The following URB1 variants were observed in gnomAD, a reference collection of about 807,000 sequenced individuals.
The protein encoded by URB1 is URB1 ribosome biogenesis factor, also known as nucleolar pre-ribosomal-associated protein 1.
A neutral mutation model predicts 242.3 loss-of-function variants in URB1; 197 were observed. The ratio of observed to expected loss-of-function variants is 0.81; its 90% CI spans 0.72 to 0.91. The LOEUF is 0.91. URB1 is among the 40% of genes least tolerant of loss of function. The pLI, the probability that URB1 is intolerant of heterozygous loss-of-function variation, is 0.00. For missense variants in URB1, 2,721 were observed against 2,860.5 expected (o/e 0.95, Z 1.11); for synonymous variants, 1,153 against 1,201.8 (o/e 0.96, Z 0.84).
chr21:32,376,238 T>C (rs1230587647), intron 5 of URB1, among the ~76,000 whole-genome samples: 1 of 152,228 alleles, frequency 6.6e-6, no homozygotes, highest in Non-Finnish European at 1.5e-5. Flanking sequence ...TTTAGTTTGT[T>C]TACTTTTTGC....
In URB1 at chr21:32,373,564, G is replaced by A. The variant is rs917454550; in HGVS notation, c.876+83C>T. ...CAAATGAGGGGACTTCAAGTCTGGT[G>A]CGGTGTTGAGAATTCTCCCTCTCCC... On this transcript the variant is annotated intron_variant, in intron 7 of 38. Transcript: ENST00000382751. The A allele has an allele frequency of 4.4e-5, 62 of 1,405,960 alleles. No homozygotes were observed. In the African/African-American group the frequency reaches 8.5e-4, roughly 19 times the overall value. The allele number at this position is 1,405,960 out of a possible 1,614,324, so 87.1% of individuals were successfully genotyped here. A position where few individuals can be genotyped will look rare whatever the true frequency, so the allele number is the denominator to read the frequency against.
intron 7 of URB1, 51 bp downstream of exon 7, chr21:32,373,596 G>A (rs2033428264): frequency 6.6e-7 from 1 of 1,511,336 alleles, no homozygotes; most frequent in Non-Finnish European, 8.8e-7. Context: ...TCCCAACCCT[G>A]AGGATCAAAT....
At chr21:32,377,663 C>T (rs769535840) in intron 5 of URB1, among the ~76,000 whole-genome samples, 4 of 152,208 alleles carry the variant, frequency 2.6e-5, no homozygotes, top group Non-Finnish European at 5.9e-5. Flanking sequence ...GCCACCTGCA[C>T]TCTCCTCCTA....
intron 5 of URB1, among the ~76,000 whole-genome samples, chr21:32,377,540 A>G (rs1247740928): frequency 6.6e-6 from 1 of 151,952 alleles, no homozygotes; most frequent in Non-Finnish European, 1.5e-5. Context: ...GTAGGAAAAA[A>G]AAAAATCTGT....
Position 32,385,613 on chromosome 21 carries a change from T to G in URB1, c.214A>C (p.Ile72Leu), listed in dbSNP as rs980114514. The G allele has an allele frequency of 5.8e-5, 90 of 1,551,806 alleles. No individual in the cohort carries two copies. The highest frequency in any genetic ancestry group is 5.7e-4 in the Admixed American group (29 of 50,990). ...EDVYDVVEGYIKISVECVEIF... is the reference protein window; with the variant it reads ...EDVYDVVEGYLKISVECVEIF... Reference sequence around the variant, plus strand: ...TCGACACACTCAACAGAAATCTTTATATACCCTTCCACAACATCATACACA... The same window carrying G: ...TCGACACACTCAACAGAAATCTTTAGATACCCTTCCACAACATCATACACA... The change falls in exon 2 of 39, where the codon ATA becomes CTA. Residue 72 changes from isoleucine (I) to leucine (L), a missense_variant. Coordinates refer to ENST00000382751, the MANE Select transcript of URB1 (RefSeq NM_014825.3).
chr21:32,325,777 T>A lies in URB1; in HGVS notation c.4961-388A>T, dbSNP rs1003329388. 2.0e-5 allele frequency among the ~76,000 whole-genome samples: 3 copies of A among 152,238 alleles called. No homozygotes were observed. In the East Asian group the frequency reaches 5.8e-4, roughly 29 times the overall value. On this transcript the variant is annotated intron_variant, in intron 30 of 38. Transcript: ENST00000382751. ...AATCAGTCCCCAGCTTCCACCTTGC[T>A]CAGCCCTCCACCGCGGGCGCCTGTC...
At chr21:32,385,751 T>G (rs1447102362) in intron 1 of URB1, 67 bp from the exon 2 acceptor site, 3 of 1,531,186 alleles carry the variant, frequency 2.0e-6, no homozygotes, top group Non-Finnish European at 2.6e-6. Context: ...CAGCCACCAC[T>G]GCAACCTGCT....
rs199677525 is a variant in URB1, at chr21:32,373,550, ACTT to A, written c.876+94_876+96del. On this transcript the variant is annotated intron_variant, in intron 7 of 38. Coordinates refer to ENST00000382751, the MANE Select transcript of URB1 (RefSeq NM_014825.3). ...CAAAAGAAACAGATCAAATGAGGGG[ACTT>A]CAAGTCTGGTGCGGTGTTGAGAATT... 3,557 of 1,306,198 alleles carry A rather than the reference ACTT, an allele frequency of 2.7e-3. 69 individuals carry two copies. The African/African-American group carries it at 0.042, about 15-fold the overall frequency. 80.9% of individuals were successfully genotyped at this position (1,306,198 alleles called of 1,614,324 possible).
At chr21:32,365,649 T>C (rs1231607909) in intron 10 of URB1, among the ~76,000 whole-genome samples, 1 of 152,130 alleles carries the variant, frequency 6.6e-6, no homozygotes, top group Admixed American at 6.5e-5. Flanking sequence ...ACACAAAACC[T>C]TTCTGCCTAC....
At chr21:32,361,208 T>C (rs375792386) in intron 12 of URB1, 85 bp from the exon 13 acceptor site, 20 of 196,600 alleles carry the variant, frequency 1.0e-4, no homozygotes, top group African/African-American at 7.6e-4. Context: ...AGAAAGAAAA[T>C]AGCTTGAATT....
chr21:32,336,552 A>C (rs945040334), intron 28 of URB1, among the ~76,000 whole-genome samples: 5 of 152,180 alleles, frequency 3.3e-5, no homozygotes, highest in Non-Finnish European at 5.9e-5. Context: ...GCCCACAGGG[A>C]AAGGTGTCAC....
At chr21:32,350,621 T>G in intron 20 of URB1, 83 bp downstream of exon 20, 1 of 1,459,160 alleles carries the variant, frequency 6.9e-7, no homozygotes, top group Non-Finnish European at 9.3e-7. Flanking sequence ...AAGAGTGTGC[T>G]GGGCTGTGGG....
rs1386052249 is a variant in URB1 at position 32,392,951 on chromosome 21, G to A, written c.-41C>T. The A allele has an allele frequency of 7.5e-6, 11 of 1,463,486 alleles. No homozygotes were observed. In the South Asian group the frequency reaches 9.3e-5, roughly 12 times the overall value. The allele number at this position is 1,463,486 out of a possible 1,614,324, so 90.7% of individuals were successfully genotyped here. ...AGCGCGACGGAAACGACACACCTGAGGGGACCCGGCAGGAGCACTGGCACA... is the reference window on the plus strand; with the variant it reads ...AGCGCGACGGAAACGACACACCTGAAGGGACCCGGCAGGAGCACTGGCACA... On this transcript the variant is annotated 5_prime_UTR_variant, in exon 1 of 39. Transcript: ENST00000382751.
chr21:32,333,557 G>A, intron 29 of URB1, 138 bp from the exon 30 acceptor site: 2 of 667,312 alleles, frequency 3.0e-6, no homozygotes, highest in South Asian at 2.0e-5. Context: ...GAGATATCTT[G>A]GGGATGGGAG....
intron 32 of URB1, among the ~76,000 whole-genome samples, chr21:32,323,110 C>T (rs1403917056): frequency 2.0e-5 from 3 of 152,228 alleles, no homozygotes; most frequent in South Asian, 2.1e-4. Context: ...GACCATGCTG[C>T]CCTGCACACG....
At chr21:32,378,601 A>G in intron 4 of URB1, 60 bp from the exon 5 acceptor site, 10 of 1,409,074 alleles carry the variant, frequency 7.1e-6, no homozygotes, top group South Asian at 1.2e-5. Flanking sequence ...CAAAGGAATC[A>G]GCAACACAGT....
At position 32,338,913 on chromosome 21, in the gene URB1, A is replaced by C; in HGVS notation, c.4317-13T>G. ...CTGGTACCGAAATCTAGGCGGCGAG[A>C]GTCAAAGGGAAAAGAGCTTTGCTAA... On this transcript the variant is annotated splice_polypyrimidine_tract_variant and intron_variant, in intron 25 of 38. Transcript: ENST00000382751. The C allele has an allele frequency of 6.6e-7, 1 of 1,521,956 alleles. No individual in the cohort carries two copies. Among genetic ancestry groups the C allele is most frequent in the South Asian group, 1.2e-5 (1 of 81,398 alleles). 94.3% of individuals were successfully genotyped at this position (1,521,956 alleles called of 1,614,324 possible). A position where few individuals can be genotyped will look rare whatever the true frequency, so the allele number is the denominator to read the frequency against.
Position 32,316,854 on chromosome 21 carries a change from T to C in URB1, c.6246A>G (p.Ser2082=). The change falls in exon 38 of 39, where the codon TCA becomes TCG. Residue 2082 remains serine (S), a synonymous_variant. Coordinates refer to ENST00000382751, the MANE Select transcript of URB1 (RefSeq NM_014825.3). ...GPDPTQEPVD[S]ASPESDAPGP... is the part of the protein sequence containing the mutation. ...CTGGCGCATCGCTCTCGGGGCTGGCTGAGTCCACAGGCTCCTGAGTGGGGT... is the reference window on the plus strand; with the variant it reads ...CTGGCGCATCGCTCTCGGGGCTGGCCGAGTCCACAGGCTCCTGAGTGGGGT... 1 of 1,550,206 alleles carries C rather than the reference T, an allele frequency of 6.5e-7. No homozygotes were observed. The highest frequency in any genetic ancestry group is 1.4e-5 in the African/African-American group (1 of 73,124).
chr21:32,370,031 T>TGCATAAAG (rs1450055154), intron 8 of URB1, among the ~76,000 whole-genome samples: 1 of 150,584 alleles, frequency 6.6e-6, no homozygotes, highest in Non-Finnish European at 1.5e-5. Context: ...GACTAAAACT[T>TGCATAAAG]GCATAAAGGG....
Sources: gnomAD v4.1 joint callset for allele counts (sites outside exome capture counted in the v4.1 genomes callset) on GRCh38, gnomAD v4.1.1 for gene constraint, MANE v1.5 for transcripts, NCBI Gene and HGNC (gene_info 2026-07-23, HGNC 2026-07-21) for gene names.